SYNDIG1: variants seen among roughly 807,000 people sequenced by gnomAD.
SYNDIG1 encodes the protein synapse differentiation-inducing gene protein 1.
SYNDIG1 carries 9 observed loss-of-function variants against 19.4 expected under a neutral mutation model. The ratio of observed to expected loss-of-function variants is 0.46; its 90% CI spans 0.28 to 0.81. The LOEUF (loss-of-function observed/expected upper bound fraction) is 0.81, where lower values mean the gene tolerates loss of function less well. SYNDIG1 is among the 30% of genes least tolerant of loss of function. The pLI, the probability that SYNDIG1 is intolerant of heterozygous loss-of-function variation, is 0.12. For synonymous variants in SYNDIG1, 141 were observed against 145.9 expected (o/e 0.97, Z 0.24); for missense variants, 311 against 343.3 (o/e 0.91, Z 0.74).
intron 3 of SYNDIG1, among the ~76,000 whole-genome samples, chr20:24,602,776 C>A (rs887250704): frequency 6.6e-6 from 1 of 152,194 alleles, no homozygotes; most frequent in Non-Finnish European, 1.5e-5. Flanking sequence ...GGTTACCAGT[C>A]TGGCATTATT....
At chr20:24,592,403 CAGAA>C (rs1368240730) in intron 3 of SYNDIG1, among the ~76,000 whole-genome samples, 4 of 152,094 alleles carry the variant, frequency 2.6e-5, no homozygotes, top group Non-Finnish European at 5.9e-5. Context: ...ATCCATTTCC[CAGAA>C]AGAGCCTAAA....
intron 3 of SYNDIG1, among the ~76,000 whole-genome samples, chr20:24,585,484 G>A (rs772675425): frequency 1.2e-4 from 19 of 152,170 alleles, no homozygotes; most frequent in African/African-American, 2.7e-4. Flanking sequence ...ACCTGCCCCA[G>A]GTAAACGCCC....
At chr20:24,515,743 T>A (rs572808396) in intron 1 of SYNDIG1, among the ~76,000 whole-genome samples, 2 of 152,248 alleles carry the variant, frequency 1.3e-5, no homozygotes, top group South Asian at 2.1e-4. Flanking sequence ...GAATCAATAT[T>A]GTGAAAATGG....
chr20:24,665,954 G>C lies in SYNDIG1; in HGVS notation c.*450G>C, dbSNP rs141129007. On this transcript the variant is annotated 3_prime_UTR_variant, in exon 4 of 4. Coordinates refer to ENST00000376862, the MANE Select transcript of SYNDIG1 (RefSeq NM_024893.3). The stretch of plus-strand genomic sequence containing the variant: ...CCTGCTGGAGTCCTTTGTGCCCCCC[G>C]GAGTCCACACGCCTTCCCTGCAAGA... 561 of 169,196 alleles carry C rather than the reference G, an allele frequency of 3.3e-3. 5 individuals carry two copies. The highest frequency in any genetic ancestry group is 0.012 in the African/African-American group (519 of 41,680). The allele number at this position is 169,196 out of a possible 1,614,324, so 10.5% of individuals were successfully genotyped here. A position where few individuals can be genotyped will look rare whatever the true frequency, so the allele number is the denominator to read the frequency against.
chr20:24,579,193 G>T (rs1318211130), intron 2 of SYNDIG1, among the ~76,000 whole-genome samples: 1 of 152,360 alleles, frequency 6.6e-6, no homozygotes, highest in African/African-American at 2.4e-5. Context: ...CTCCGTCAGT[G>T]GTCAGTGTCT....
At chr20:24,595,157 A>G (rs1477827917) in intron 3 of SYNDIG1, among the ~76,000 whole-genome samples, 2 of 152,128 alleles carry the variant, frequency 1.3e-5, no homozygotes, top group Non-Finnish European at 2.9e-5. Flanking sequence ...TTTGTGATAA[A>G]TGGCTCTTAT....
intron 3 of SYNDIG1, among the ~76,000 whole-genome samples, chr20:24,586,350 C>T (rs981025191): frequency 6.6e-6 from 1 of 152,192 alleles, no homozygotes; most frequent in Non-Finnish European, 1.5e-5. Context: ...CCACAGAACC[C>T]CTTCTCCATC....
chr20:24,513,730 A>G (rs1320984758), intron 1 of SYNDIG1, among the ~76,000 whole-genome samples: 1 of 152,224 alleles, frequency 6.6e-6, no homozygotes, highest in Non-Finnish European at 1.5e-5. Context: ...AACTTCCCCA[A>G]CCTAGCAAGG....
intron 3 of SYNDIG1, among the ~76,000 whole-genome samples, chr20:24,623,753 A>G (rs2059074621): frequency 6.6e-6 from 1 of 152,214 alleles, no homozygotes; most frequent in African/African-American, 2.4e-5. Flanking sequence ...ACTAAACTAT[A>G]TATTAAAAAA....
chr20:24,480,226 A>G (rs959392993), intron 1 of SYNDIG1, among the ~76,000 whole-genome samples: 9 of 152,222 alleles, frequency 5.9e-5, no homozygotes, highest in African/African-American at 2.2e-4. Context: ...ACCGAAGATG[A>G]AATATCTACA....
intron 2 of SYNDIG1, among the ~76,000 whole-genome samples, chr20:24,558,443 G>A (rs2057870280): frequency 6.6e-6 from 1 of 152,096 alleles, no homozygotes; most frequent in African/African-American, 2.4e-5. Context: ...GTAAATAGAA[G>A]GGACATACCT....
chr20:24,622,902 A>T (rs1266556236), intron 3 of SYNDIG1, among the ~76,000 whole-genome samples: 1 of 152,228 alleles, frequency 6.6e-6, no homozygotes. Flanking sequence ...AACCAACAAC[A>T]ACCAAAAGTA....
intron 3 of SYNDIG1, among the ~76,000 whole-genome samples, chr20:24,659,855 C>G (rs542562933): frequency 6.6e-6 from 1 of 152,192 alleles, no homozygotes; most frequent in South Asian, 2.1e-4. Context: ...AAATGAGTTT[C>G]TCTATTCTCT....
At chr20:24,548,998 A>T (rs1036866095) in intron 2 of SYNDIG1, among the ~76,000 whole-genome samples, 1 of 152,122 alleles carries the variant, frequency 6.6e-6, no homozygotes, top group African/African-American at 2.4e-5. Flanking sequence ...TGATACATGT[A>T]ACATATGGTG....
intron 2 of SYNDIG1, among the ~76,000 whole-genome samples, chr20:24,575,212 G>A (rs575994546): frequency 1.3e-5 from 2 of 152,322 alleles, no homozygotes; most frequent in South Asian, 4.1e-4. Context: ...CACTAATCAT[G>A]TCTATTGATG....
intron 2 of SYNDIG1, among the ~76,000 whole-genome samples, chr20:24,583,707 A>T (rs75193832): frequency 1.3e-5 from 2 of 152,132 alleles, no homozygotes; most frequent in East Asian, 3.9e-4. Context: ...CTTTGTGGGG[A>T]GGGTGGGGCA....
chr20:24,478,830 T>G (rs561048651), intron 1 of SYNDIG1, among the ~76,000 whole-genome samples: 1 of 152,134 alleles, frequency 6.6e-6, no homozygotes, highest in African/African-American at 2.4e-5. Context: ...CCCACAGAAC[T>G]CACAGGCAGG....
At chr20:24,532,305 C>A (rs2057276541) in intron 1 of SYNDIG1, among the ~76,000 whole-genome samples, 2 of 152,126 alleles carry the variant, frequency 1.3e-5, no homozygotes, top group South Asian at 4.1e-4. Flanking sequence ...GAATATGAGC[C>A]CGCCATGAGA....
intron 2 of SYNDIG1, among the ~76,000 whole-genome samples, chr20:24,568,271 A>T (rs541497434): frequency 6.6e-6 from 1 of 152,346 alleles, no homozygotes; most frequent in South Asian, 2.1e-4. Context: ...AATGAGCTGA[A>T]AGAAATAAAT....
Sources: allele counts gnomAD v4.1 joint callset (sites outside exome capture counted in the v4.1 genomes callset), GRCh38; gene constraint gnomAD v4.1.1; transcripts MANE v1.5; gene names NCBI Gene and HGNC (gene_info 2026-07-23, HGNC 2026-07-21).